The following PPM1B variants were observed in gnomAD, a reference collection of about 807,000 sequenced individuals.
PPM1B encodes the protein protein phosphatase, Mg2+/Mn2+ dependent 1B.
In PPM1B, 22 loss-of-function variants were observed where a neutral mutation model predicts 43.0. That is an observed-to-expected ratio of 0.51 (90% CI 0.37 to 0.73). The LOEUF is 0.73. Among genes scored for constraint, PPM1B ranks in the 30% least tolerant of loss-of-function variants. The pLI, the probability that PPM1B is intolerant of heterozygous loss-of-function variation, is 0.00. For synonymous variants in PPM1B, 217 were observed against 197.9 expected (o/e 1.10, Z -0.81); for missense variants, 632 against 584.2 (o/e 1.08, Z -0.84).
chr2:44,187,887 C>G (rs1668200892), intron 1 of PPM1B, among the ~76,000 whole-genome samples: 1 of 151,982 alleles, frequency 6.6e-6, no homozygotes, highest in Non-Finnish European at 1.5e-5. Flanking sequence ...GTAGCTGGGA[C>G]TTACAGGTGC....
intron 5 of PPM1B, among the ~76,000 whole-genome samples, chr2:44,224,597 G>A (rs1325931901): frequency 3.3e-5 from 5 of 151,384 alleles, no homozygotes; most frequent in Non-Finnish European, 1.5e-5. Context: ...ACTACTCTCT[G>A]CTTGATTTAT....
At chr2:44,240,807 AAG>A (rs149904743) in intron 5 of PPM1B, among the ~76,000 whole-genome samples, 6,044 of 145,542 alleles carry the variant, frequency 0.042, 655 homozygotes, top group African/African-American at 0.14. Flanking sequence ...GCGCTAAGCT[AAG>A]AGAGTCCCGA....
At chr2:44,209,180 T>G in intron 2 of PPM1B, 30 bp from the exon 3 acceptor site, 1 of 1,503,978 alleles carries the variant, frequency 6.6e-7, no homozygotes, top group Non-Finnish European at 9.0e-7. Context: ...AGAAATACAA[T>G]TTTTTTTCTT....
At chr2:44,184,506 G>A (rs918056684) in intron 1 of PPM1B, among the ~76,000 whole-genome samples, 2 of 151,952 alleles carry the variant, frequency 1.3e-5, no homozygotes, top group Non-Finnish European at 2.9e-5. Context: ...GGGTTTAAGT[G>A]GAGATTTAAT....
At chr2:44,222,271 A>AT (rs1319718621) in intron 5 of PPM1B, among the ~76,000 whole-genome samples, 1 of 152,074 alleles carries the variant, frequency 6.6e-6, no homozygotes, top group Non-Finnish European at 1.5e-5. Context: ...CTCAGTAAAT[A>AT]TTTTTTGAAT....
chr2:44,195,036 C>G lies in PPM1B; in HGVS notation c.-14-6150C>G, dbSNP rs148335708. Among the ~76,000 whole-genome samples, 618 of 151,542 alleles carry G rather than the reference C, an allele frequency of 4.1e-3. 3 individuals carry two copies. The highest frequency in any genetic ancestry group is 0.014 in the African/African-American group (586 of 41,340). ...CCTCCTAAGTAGCTGGGATGACAGG[C>G]GCTTGCCACCACACCAGGGCTAATT... On this transcript the variant is annotated intron_variant, in intron 1 of 5. Coordinates refer to ENST00000282412, the MANE Select transcript of PPM1B (RefSeq NM_002706.6).
chr2:44,214,708 A>G (rs1669641024), intron 3 of PPM1B, among the ~76,000 whole-genome samples: 1 of 152,112 alleles, frequency 6.6e-6, no homozygotes, highest in African/African-American at 2.4e-5. Flanking sequence ...GTGGTCCTAT[A>G]TCAAGTGTGT....
downstream of PPM1B, chr2:44,234,501 G>A: frequency 1.1e-6 from 1 of 940,934 alleles, no homozygotes; most frequent in Non-Finnish European, 1.3e-6. Flanking sequence ...CCTGGCGACA[G>A]AGCGAGACTC....
At chr2:44,192,639 A>C (rs1668461635) in intron 1 of PPM1B, among the ~76,000 whole-genome samples, 1 of 152,216 alleles carries the variant, frequency 6.6e-6, no homozygotes, top group Non-Finnish European at 1.5e-5. Flanking sequence ...GCTAATGAAC[A>C]TATCTATCAC....
chr2:44,228,702 T>C (rs910726141), intron 5 of PPM1B, among the ~76,000 whole-genome samples: 1 of 151,422 alleles, frequency 6.6e-6, no homozygotes, highest in Non-Finnish European at 1.5e-5. Context: ...AAAAAGGGGA[T>C]ATGATATGTT....
chr2:44,237,031 A>G (rs1488232589), downstream of PPM1B, among the ~76,000 whole-genome samples: 2 of 152,228 alleles, frequency 1.3e-5, no homozygotes, highest in African/African-American at 4.8e-5. Context: ...TGTTAACATA[A>G]TTGTTAAGAT....
intron 4 of PPM1B, 126 bp downstream of exon 4, chr2:44,218,204 C>T (rs1374637674): frequency 5.4e-6 from 4 of 738,492 alleles, no homozygotes; most frequent in African/African-American, 5.4e-5. Context: ...GTTTCTTATA[C>T]TAGAGAAGAA....
rs541566082 is a variant in PPM1B at position 44,228,622 on chromosome 2, A to G, written c.1135-1791A>G. On this transcript the variant is annotated intron_variant, in intron 5 of 5. Transcript: ENST00000282412. ...GATGGTTAAGAGTTTGTGTCACATC[A>G]ACTGTATCAATAACCTATTTTGTAT... 4.6e-5 allele frequency among the ~76,000 whole-genome samples: 7 copies of G among 152,348 alleles called. No individual in the cohort carries two copies. In the East Asian group the frequency reaches 1.3e-3, roughly 29 times the overall value.
At chr2:44,209,431 C>G (rs992131588) in intron 3 of PPM1B, 104 bp downstream of exon 3, 1 of 889,992 alleles carries the variant, frequency 1.1e-6, no homozygotes, top group East Asian at 3.7e-5. Flanking sequence ...GGCTCTGTCT[C>G]AAAAAAAAAA....
chr2:44,232,364 A>G (rs1443489346), downstream of PPM1B: 1 of 1,603,770 alleles, frequency 6.2e-7, no homozygotes, highest in Admixed American at 1.7e-5. Flanking sequence ...ACCTTCTAAA[A>G]TGCTTTTGAT....
At position 44,241,857 on chromosome 2, in the gene PPM1B, C is replaced by CTTTTTTTTTTTTTTTTTTTTT. The variant is rs397984437; in HGVS notation, n.1547-2352_1547-2351insTTTTTTTTTTTTTTTTTTTTT. 4.4e-5 allele frequency among the ~76,000 whole-genome samples: 4 copies of CTTTTTTTTTTTTTTTTTTTTT among 90,958 alleles called. 1 individual carries two copies. Among genetic ancestry groups the CTTTTTTTTTTTTTTTTTTTTT allele is most frequent in the African/African-American group, 9.1e-5 (2 of 21,998 alleles). 59.7% of individuals were successfully genotyped at this position (90,958 alleles called of 152,430 possible). On this transcript the variant is annotated intron_variant and non_coding_transcript_variant, in intron 5 of 5. Transcript: ENST00000378540. The stretch of plus-strand genomic sequence containing the variant: ...GTTATAATAAGTATTAGAAAATAAT[C>CTTTTTTTTTTTTTTTTTTTTT]TTTTTTTTTTTTTTTTTTTGAGACG...
intron 1 of PPM1B, among the ~76,000 whole-genome samples, chr2:44,189,009 C>G (rs961390022): frequency 6.6e-6 from 1 of 152,044 alleles, no homozygotes; most frequent in Admixed American, 6.6e-5. Flanking sequence ...GCTGGGACTA[C>G]AGGCATGCCG....
chr2:44,215,008 G>A lies in PPM1B; in HGVS notation c.965-2959G>A, dbSNP rs74319028. Among the ~76,000 whole-genome samples the A allele has an allele frequency of 1.8e-3, 272 of 152,184 alleles. 6 individuals are homozygous for A. In the East Asian group the frequency reaches 0.042, roughly 24 times the overall value. Reference sequence around the variant, plus strand: ...GTGTGGTCAATTCAGTTTAACATGAGTTAATAATTTAATATTAATTTTCTT... The same window carrying A: ...GTGTGGTCAATTCAGTTTAACATGAATTAATAATTTAATATTAATTTTCTT... On this transcript the variant is annotated intron_variant, in intron 3 of 5. Coordinates refer to ENST00000282412, the MANE Select transcript of PPM1B (RefSeq NM_002706.6).
chr2:44,197,940 C>G (rs1201425949), intron 1 of PPM1B, among the ~76,000 whole-genome samples: 2 of 152,134 alleles, frequency 1.3e-5, no homozygotes, highest in African/African-American at 2.4e-5. Flanking sequence ...GAGCAACTTA[C>G]TAGCCTTCAG....
Sources: allele counts gnomAD v4.1 joint callset (sites outside exome capture counted in the v4.1 genomes callset), GRCh38; gene constraint gnomAD v4.1.1; transcripts MANE v1.5; gene names NCBI Gene and HGNC (gene_info 2026-07-23, HGNC 2026-07-21).